The following LNX1 variants were observed in gnomAD, a reference collection of about 807,000 sequenced individuals.
LNX1 encodes the protein ligand of numb-protein X 1.
A neutral mutation model predicts 68.4 loss-of-function variants in LNX1; 54 were observed. The observed-to-expected ratio is 0.79, with a 90% CI of 0.63 to 0.99. LNX1 has a LOEUF of 0.99. Ranked by LOEUF, LNX1 falls within the 50% of genes least tolerant of loss-of-function variation. The probability of loss-of-function intolerance (pLI) is 0.00; values close to 1 mark genes in which losing one functional copy is unlikely to be tolerated. For missense variants in LNX1, 906 were observed against 926.4 expected, an observed-to-expected ratio of 0.98 and a Z score of 0.29; for synonymous variants, 336 against 350.0, an observed-to-expected ratio of 0.96 and a Z score of 0.45.
intron 1 of LNX1, among the ~76,000 whole-genome samples, chr4:53,585,348 T>C (rs1732100834): frequency 6.6e-6 from 1 of 152,164 alleles, no homozygotes; most frequent in Admixed American, 6.6e-5. Context: ...TGTACTTTGC[T>C]CAGTATTTCA....
intron 2 of LNX1, among the ~76,000 whole-genome samples, chr4:53,562,878 A>G (rs889680948): frequency 1.3e-5 from 2 of 152,236 alleles, no homozygotes; most frequent in African/African-American, 4.8e-5. Flanking sequence ...ATCATATTGT[A>G]CACCATACAC....
chr4:53,473,472 TAAA>T (rs1017078742), intron 9 of LNX1, among the ~76,000 whole-genome samples: 5 of 152,170 alleles, frequency 3.3e-5, no homozygotes, highest in Non-Finnish European at 5.9e-5. Context: ...GATGCAGTCA[TAAA>T]GAAGAACAAG....
intron 2 of LNX1, 52 bp downstream of exon 2, chr4:53,573,571 C>T: frequency 7.6e-7 from 1 of 1,322,400 alleles, no homozygotes; most frequent in Non-Finnish European, 1.1e-6. Flanking sequence ...TGGAGGGGTC[C>T]AGCTGTCCCG....
chr4:53,486,389 T>A (rs1450589822), intron 6 of LNX1, among the ~76,000 whole-genome samples: 1 of 152,144 alleles, frequency 6.6e-6, no homozygotes, highest in Non-Finnish European at 1.5e-5. Flanking sequence ...CCAGCATCCC[T>A]CTCTTTTTTC....
At chr4:53,574,593 A>G (rs1293240347) in intron 1 of LNX1, among the ~76,000 whole-genome samples, 1 of 152,092 alleles carries the variant, frequency 6.6e-6, no homozygotes, top group Non-Finnish European at 1.5e-5. Flanking sequence ...AGCCTTTCAT[A>G]TTTTCACTAT....
rs377424821 is a variant in LNX1 at position 53,459,443 on chromosome 4, A to G, written c.*1464T>C. On this transcript the variant is annotated 3_prime_UTR_variant, in exon 11 of 11. Coordinates refer to ENST00000263925, the MANE Select transcript of LNX1 (RefSeq NM_001126328.3). ...AGGAGAGCACCGAAGCTACACCTGC[A>G]GAATAGGCATGGTTTTGGCCTTTTG... 1.3e-5 allele frequency: 21 copies of G among 1,613,550 alleles called. No homozygotes were observed. The highest frequency in any genetic ancestry group is 6.7e-5 in the Admixed American group (4 of 59,988).
intron 1 of LNX1, among the ~76,000 whole-genome samples, chr4:53,628,546 C>T (rs755655655): frequency 1.1e-4 from 17 of 152,244 alleles, no homozygotes; most frequent in African/African-American, 3.9e-4. Context: ...TAAAGCACAA[C>T]CTCTATAGAA....
intron 8 of LNX1, among the ~76,000 whole-genome samples, chr4:53,477,228 T>TGAAG (rs779321502): frequency 1.3e-5 from 2 of 152,140 alleles, no homozygotes; most frequent in Non-Finnish European, 2.9e-5. Context: ...AGAATACCGC[T>TGAAG]GAAGGAAGGA....
chr4:53,641,519 T>C (rs904761622), intron 1 of LNX1, among the ~76,000 whole-genome samples: 22 of 152,228 alleles, frequency 1.4e-4, no homozygotes, highest in Admixed American at 1.4e-3. Flanking sequence ...CTAACGACCA[T>C]GCCTCTGTTT....
intron 2 of LNX1, 57 bp downstream of exon 2, chr4:53,573,566 G>C (rs1731296687): frequency 8.2e-7 from 1 of 1,221,530 alleles, no homozygotes; most frequent in Non-Finnish European, 1.2e-6. Flanking sequence ...GGGGGTGGAG[G>C]GGTCCAGCTG....
intron 2 of LNX1, among the ~76,000 whole-genome samples, chr4:53,552,719 C>T (rs969953462): frequency 9.3e-5 from 14 of 151,210 alleles, no homozygotes; most frequent in East Asian, 3.9e-4. Context: ...GTCCCAGCTA[C>T]TCGGGAGGCT....
intron 2 of LNX1, among the ~76,000 whole-genome samples, chr4:53,555,893 T>A (rs716251): frequency 0.18 from 26,961 of 152,092 alleles, 3,417 homozygotes; most frequent in African/African-American, 0.36. Context: ...AGAGAAAATT[T>A]TTAAGTGGTA....
chr4:53,464,944 CAG>C (rs755999246), intron 9 of LNX1, among the ~76,000 whole-genome samples: 50 of 151,970 alleles, frequency 3.3e-4, no homozygotes, highest in Non-Finnish European at 6.0e-4. Context: ...TTCTGAAAAT[CAG>C]AACATTCTAT....
chr4:53,524,868 A>G (rs1727498376), intron 2 of LNX1, among the ~76,000 whole-genome samples: 1 of 152,182 alleles, frequency 6.6e-6, no homozygotes, highest in Admixed American at 6.5e-5. Flanking sequence ...CTTTGCAAAA[A>G]AAGCTCTGTC....
At chr4:53,526,806 C>A (rs1727640950) in intron 2 of LNX1, among the ~76,000 whole-genome samples, 1 of 151,858 alleles carries the variant, frequency 6.6e-6, no homozygotes, top group Non-Finnish European at 1.5e-5. Flanking sequence ...ATTCCTTCGA[C>A]CTCTTCTGTT....
chr4:53,597,882 A>G (rs754572647), intron 2 of LNX1, among the ~76,000 whole-genome samples: 34 of 152,348 alleles, frequency 2.2e-4, no homozygotes, highest in Admixed American at 1.4e-3. Flanking sequence ...TGTGGTTCTC[A>G]TAACAACCAG....
chr4:53,501,299 T>TGGGGGGGG lies in LNX1; in HGVS notation c.776-2457_776-2456insCCCCCCCC, dbSNP rs1553932749. 1.5e-3 allele frequency among the ~76,000 whole-genome samples: 57 copies of TGGGGGGGG among 38,754 alleles called. 1 individual carries two copies. Among genetic ancestry groups the TGGGGGGGG allele is most frequent in the Non-Finnish European group, 2.5e-3 (36 of 14,342 alleles). 25.4% of individuals were successfully genotyped at this position (38,754 alleles called of 152,430 possible). Reference sequence around the variant, plus strand: ...TAATAATCTTTTTTTTTTTTTTTTTTGGGGGTGGGGGGACAGGATCTCACT... The same window carrying TGGGGGGGG: ...TAATAATCTTTTTTTTTTTTTTTTTTGGGGGGGGGGGGGTGGGGGGACAGGATCTCACT... On this transcript the variant is annotated intron_variant, in intron 4 of 10. Coordinates refer to ENST00000263925, the MANE Select transcript of LNX1 (RefSeq NM_001126328.3).
chr4:53,569,262 A>G (rs1376688617), intron 2 of LNX1, among the ~76,000 whole-genome samples: 1 of 150,716 alleles, frequency 6.6e-6, no homozygotes, highest in Non-Finnish European at 1.5e-5. Flanking sequence ...ACTTCAAACT[A>G]TACTACAAGG....
At chr4:53,493,298 C>T (rs1724833397) in intron 6 of LNX1, among the ~76,000 whole-genome samples, 1 of 152,182 alleles carries the variant, frequency 6.6e-6, no homozygotes, top group African/African-American at 2.4e-5. Flanking sequence ...TGGTTTTGTT[C>T]CCCACCTGCT....
Sources: gnomAD v4.1 joint callset for allele counts (sites outside exome capture counted in the v4.1 genomes callset) on GRCh38, gnomAD v4.1.1 for gene constraint, MANE v1.5 for transcripts, NCBI Gene and HGNC (gene_info 2026-07-23, HGNC 2026-07-21) for gene names.